CHD9: variants seen among roughly 807,000 people sequenced by gnomAD.
CHD9 encodes chromodomain helicase DNA binding protein 9.
Under a neutral mutation model 316.1 loss-of-function variants are expected in CHD9, and 77 were observed. That is an observed-to-expected ratio of 0.24 (90% confidence interval 0.20 to 0.29). The LOEUF (loss-of-function observed/expected upper bound fraction) is 0.29, where lower values mean the gene tolerates loss of function less well. Ranked by LOEUF, CHD9 falls within the 10% of genes least tolerant of loss-of-function variation. The pLI is 1.00. For synonymous variants in CHD9, 1,129 were observed against 1,158.3 expected, an observed-to-expected ratio of 0.97 and a Z score of 0.51; for missense variants, 2,763 against 3,438.1, an observed-to-expected ratio of 0.80 and a Z score of 4.91.
chr16:53,271,274 A>G (rs570585734), intron 22 of CHD9, among the ~76,000 whole-genome samples: 1 of 152,258 alleles, frequency 6.6e-6, no homozygotes, highest in African/African-American at 2.4e-5. Flanking sequence ...AAAGAGAGAG[A>G]CAAAAAACCA....
chr16:53,150,632 T>C (rs1439077775), intron 1 of CHD9, among the ~76,000 whole-genome samples: 2 of 152,256 alleles, frequency 1.3e-5, no homozygotes, highest in Non-Finnish European at 2.9e-5. Context: ...TTTATCCGAA[T>C]GGATTCCCTT....
At position 53,267,961 on chromosome 16, in the gene CHD9, C is replaced by T. The variant is rs749673633; in HGVS notation, c.4552C>T (p.Arg1518Cys). ...ATGGAGAGAGATTCTATCTCATGGCCGTTTCAAAAGGCAGCTAAATGAACA... is the reference window on the plus strand; with the variant it reads ...ATGGAGAGAGATTCTATCTCATGGCTGTTTCAAAAGGCAGCTAAATGAACA... ...GRWREILSHG[R>C]FKRQLNEHDV... The change falls in exon 22 of 39, where the codon CGT becomes TGT. Residue 1518 changes from arginine to cysteine, a missense_variant. Arg to Cys is a radical substitution (Grantham distance 180). Transcript: ENST00000447540. 1.1e-5 allele frequency: 17 copies of T among 1,613,294 alleles called. No individual in the cohort carries two copies. The Admixed American group carries it at 1.5e-4, about 14-fold the overall frequency.
chr16:53,249,054 AT>A (rs1278257349), intron 16 of CHD9, among the ~76,000 whole-genome samples: 3 of 152,068 alleles, frequency 2.0e-5, no homozygotes, highest in Non-Finnish European at 4.4e-5. Context: ...TAATTCTTAT[AT>A]TTTTTTAATC....
At chr16:53,313,970 A>T (rs2056684584) in intron 34 of CHD9, among the ~76,000 whole-genome samples, 1 of 152,024 alleles carries the variant, frequency 6.6e-6, no homozygotes, top group Non-Finnish European at 1.5e-5. Flanking sequence ...AAAAAACAAA[A>T]ATCAAAAAAG....
chr16:53,239,436 AT>A (rs927083924), intron 12 of CHD9, among the ~76,000 whole-genome samples: 2 of 152,096 alleles, frequency 1.3e-5, no homozygotes, highest in Non-Finnish European at 2.9e-5. Context: ...AAATTAAAAT[AT>A]TTTTTAAAAA....
At chr16:53,084,108 G>A (rs981271998) in intron 1 of CHD9, among the ~76,000 whole-genome samples, 5 of 152,064 alleles carry the variant, frequency 3.3e-5, no homozygotes, top group Admixed American at 2.0e-4. Flanking sequence ...GCCCAGGCTG[G>A]TCTTGACTCC....
At chr16:53,106,112 A>G (rs56397722) in intron 1 of CHD9, among the ~76,000 whole-genome samples, 41,426 of 151,978 alleles carry the variant, frequency 0.27, 7,071 homozygotes, top group Non-Finnish European at 0.38. Context: ...GAGCCACCGC[A>G]CCTGGCTCAG....
chr16:53,188,325 A>G (rs1456396057), intron 2 of CHD9, among the ~76,000 whole-genome samples: 1 of 152,136 alleles, frequency 6.6e-6, no homozygotes, highest in African/African-American at 2.4e-5. Flanking sequence ...TCTCTTGCAT[A>G]TATTCCTAGG....
rs772421560 is a variant in CHD9, at chr16:53,157,280, A to C, written c.1191A>C (p.Gln397His). 1 of 1,608,940 alleles carries C rather than the reference A, an allele frequency of 6.2e-7. No individual in the cohort carries two copies. Among genetic ancestry groups the C allele is most frequent in the East Asian group, 2.2e-5 (1 of 44,806 alleles). Reference sequence around the variant, plus strand: ...ATTTACTTCATCAAGTGGAATCTCAAACTGAGCCATTCACAGGACTTGACC... The same window carrying C: ...ATTTACTTCATCAAGTGGAATCTCACACTGAGCCATTCACAGGACTTGACC... ...EENLLHQVES[Q>H]TEPFTGLDPE... The change falls in exon 2 of 39, where the codon CAA becomes CAC. Residue 397 changes from glutamine (Q) to histidine (H), a missense_variant. Physicochemically the swap from Gln to His is conservative, Grantham distance 24 (BLOSUM62 0). Transcript: ENST00000447540.
chr16:53,259,966 GATATGTTT>G (rs1327129832), intron 19 of CHD9, among the ~76,000 whole-genome samples: 1 of 152,118 alleles, frequency 6.6e-6, no homozygotes, highest in Non-Finnish European at 1.5e-5. Flanking sequence ...CCTGAAAATT[GATATGTTT>G]ATAATAATGA....
At chr16:53,215,471 T>G (rs2046678166) in intron 3 of CHD9, among the ~76,000 whole-genome samples, 1 of 152,146 alleles carries the variant, frequency 6.6e-6, no homozygotes, top group Non-Finnish European at 1.5e-5. Flanking sequence ...TTTTCTAAGA[T>G]GAGTTTAAGC....
chr16:53,303,268 C>T (rs1041633259), intron 30 of CHD9, among the ~76,000 whole-genome samples: 1 of 150,192 alleles, frequency 6.7e-6, no homozygotes, highest in African/African-American at 2.5e-5. Flanking sequence ...TACAATTCCT[C>T]TTACAATGCA....
chr16:53,073,753 G>T (rs1346272714), intron 1 of CHD9, among the ~76,000 whole-genome samples: 4 of 152,186 alleles, frequency 2.6e-5, no homozygotes. Context: ...TGTAAGAAGT[G>T]CCTTTTGCCT....
intron 12 of CHD9, among the ~76,000 whole-genome samples, 177 bp downstream of exon 12, chr16:53,238,763 A>G (rs777225361): frequency 5.3e-5 from 8 of 152,208 alleles, no homozygotes; most frequent in Non-Finnish European, 1.2e-4. Context: ...GAAGAGAACA[A>G]TGAGAAAAGT....
At chr16:53,197,647 G>A (rs190948269) in intron 2 of CHD9, among the ~76,000 whole-genome samples, 12 of 149,728 alleles carry the variant, frequency 8.0e-5, no homozygotes, top group East Asian at 2.0e-4. Flanking sequence ...ATTCTGCTAC[G>A]TGAATATTCT....
chr16:53,179,247 G>C (rs2043307416), intron 2 of CHD9, among the ~76,000 whole-genome samples: 1 of 152,052 alleles, frequency 6.6e-6, no homozygotes, highest in South Asian at 2.1e-4. Context: ...TCACACCTAA[G>C]GTAACTGCTA....
intron 1 of CHD9, among the ~76,000 whole-genome samples, chr16:53,091,814 T>TCCTC (rs2035968137): frequency 1.3e-5 from 2 of 152,058 alleles, no homozygotes; most frequent in African/African-American, 4.8e-5. Flanking sequence ...CCTCTCTCCT[T>TCCTC]CCTCCCTCCC....
intron 1 of CHD9, among the ~76,000 whole-genome samples, chr16:53,150,246 A>G (rs2040992001): frequency 7.7e-6 from 1 of 129,286 alleles, no homozygotes; most frequent in Non-Finnish European, 1.7e-5. Flanking sequence ...TTCCTTTTTG[A>G]TTTCCTTCTT....
chr16:53,263,701 T>C lies in CHD9; in HGVS notation c.4320+604T>C, dbSNP rs576145061. Among the ~76,000 whole-genome samples the C allele has an allele frequency of 3.3e-5, 5 of 152,272 alleles. No individual in the cohort carries two copies. In the East Asian group the frequency reaches 7.7e-4, roughly 23 times the overall value. On this transcript the variant is annotated intron_variant, in intron 20 of 38. Coordinates refer to ENST00000447540, the MANE Select transcript of CHD9 (RefSeq NM_001308319.2). ...GAATTTTATATTAAGCACTCATGCA[T>C]TGGATCTTTGTTGATAGCCTTTTAA... is the stretch of plus-strand genomic sequence containing the variant.
Sources: gnomAD v4.1 joint callset for allele counts (sites outside exome capture counted in the v4.1 genomes callset) on GRCh38, gnomAD v4.1.1 for gene constraint, MANE v1.5 for transcripts, NCBI Gene and HGNC (gene_info 2026-07-23, HGNC 2026-07-21) for gene names.